IFRD1: variants seen among roughly 807,000 people sequenced by gnomAD.
IFRD1 encodes the protein interferon related developmental regulator 1.
In IFRD1, 35 loss-of-function variants were observed where a neutral mutation model predicts 52.9. That is an observed-to-expected ratio of 0.66 (90% CI 0.51 to 0.88). The LOEUF (loss-of-function observed/expected upper bound fraction) is 0.88, where lower values mean the gene tolerates loss of function less well. Ranked by LOEUF, IFRD1 falls within the 40% of genes least tolerant of loss-of-function variation. IFRD1 has a pLI of 0.00. For missense variants in IFRD1, 517 were observed against 550.8 expected (o/e 0.94, Z 0.61); for synonymous variants, 184 against 188.4 (o/e 0.98, Z 0.19).
chr7:112,464,951 G>C (rs1019569203), intron 8 of IFRD1, among the ~76,000 whole-genome samples: 1 of 151,896 alleles, frequency 6.6e-6, no homozygotes, highest in Non-Finnish European at 1.5e-5. Context: ...TTGTTTTTTT[G>C]CCCTTGTTTG....
intron 5 of IFRD1, chr7:112,461,234 TGCTTATTTCTTGGAA>T (rs1295637067): frequency 1.3e-5 from 2 of 152,210 alleles, no homozygotes; most frequent in Non-Finnish European, 2.9e-5. Flanking sequence ...TGCTCCTGTG[TGCTTATTTCTTGGAA>T]GCTGATTTCT....
chr7:112,451,378 C>T (rs1795160915), intron 1 of IFRD1, among the ~76,000 whole-genome samples: 1 of 152,186 alleles, frequency 6.6e-6, no homozygotes, highest in African/African-American at 2.4e-5. Flanking sequence ...TTTCTCCCCC[C>T]TAGGCTGTGC....
At position 112,455,807 on chromosome 7, in the gene IFRD1, T is replaced by G. The variant is rs535656420; in HGVS notation, c.139T>G (p.Ser47Ala). Residue 47 changes from serine to alanine, a missense_variant, in exon 2 of 12, where the codon TCA (serine) becomes GCA (alanine). Coordinates refer to ENST00000403825, the MANE Select transcript of IFRD1 (RefSeq NM_001550.4). Reference sequence around the variant, plus strand: ...TCAGCCTTTTAGTGATGAAGATGCATCAATTGAAACAATGAGCCATTGCAG... The same window carrying G: ...TCAGCCTTTTAGTGATGAAGATGCAGCAATTGAAACAATGAGCCATTGCAG... Reference protein sequence around the residue: ...NVQPFSDEDASIETMSHCSGY... With the variant: ...NVQPFSDEDAAIETMSHCSGY... The G allele has an allele frequency of 3.7e-6, 6 of 1,613,346 alleles. No homozygotes were observed. The highest frequency in any genetic ancestry group is 5.1e-6 in the Non-Finnish European group (6 of 1,179,436).
At chr7:112,445,068 T>C (rs914605781) in intron 1 of IFRD1, among the ~76,000 whole-genome samples, 2 of 146,338 alleles carry the variant, frequency 1.4e-5, no homozygotes, top group African/African-American at 2.6e-5. Flanking sequence ...CTTTCTTTTT[T>C]TTTTTTTTTT....
chr7:112,435,687 C>T (rs1794668542), intron 1 of IFRD1: 1 of 108,602 alleles, frequency 9.2e-6, no homozygotes, highest in African/African-American at 2.9e-5. Context: ...CATACTCTGA[C>T]TGCAACCCCA....
At chr7:112,455,055 G>C (rs1430784329) in intron 1 of IFRD1, among the ~76,000 whole-genome samples, 2 of 151,190 alleles carry the variant, frequency 1.3e-5, no homozygotes, top group African/African-American at 4.9e-5. Context: ...GTAGAGACGG[G>C]GTTTCACCAT....
At chr7:112,438,025 A>C (rs1283712984) in intron 1 of IFRD1, among the ~76,000 whole-genome samples, 3 of 152,162 alleles carry the variant, frequency 2.0e-5, no homozygotes, top group Non-Finnish European at 4.4e-5. Flanking sequence ...GCGTAGGGGT[A>C]GAGTGGATAT....
chr7:112,453,444 C>T (rs905644599), intron 1 of IFRD1, among the ~76,000 whole-genome samples: 7 of 151,994 alleles, frequency 4.6e-5, no homozygotes, highest in African/African-American at 1.7e-4. Context: ...TTTCTTGATA[C>T]ATATATATGT....
At chr7:112,449,842 T>TG (rs1795108391), upstream of IFRD1, among the ~76,000 whole-genome samples, 9 of 45,852 alleles carry the variant, frequency 2.0e-4, no homozygotes, top group Admixed American at 9.6e-4. Flanking sequence ...GGGGGGGGGA[T>TG]GGGGGGCACA....
chr7:112,443,772 G>T (rs1047874194), intron 1 of IFRD1, among the ~76,000 whole-genome samples: 2 of 150,908 alleles, frequency 1.3e-5, no homozygotes, highest in Non-Finnish European at 2.9e-5. Context: ...TTTGGCAGGA[G>T]AATTGCTTGA....
chr7:112,461,863 TA>T lies in IFRD1; in HGVS notation c.568-2del. 6.7e-7 allele frequency: 1 copy of T among 1,502,412 alleles called. No homozygotes were observed. Among genetic ancestry groups the T allele is most frequent in the South Asian group, 1.2e-5 (1 of 86,476 alleles). The allele number at this position is 1,502,412 out of a possible 1,614,324, so 93.1% of individuals were successfully genotyped here. ...GTCTATATATATATATTTTTTTTTT[TA>T]GTGTGCAACTTGCTTTGGTGTTTGC... On this transcript the variant is annotated splice_acceptor_variant, in intron 5 of 11. Coordinates refer to ENST00000403825, the MANE Select transcript of IFRD1 (RefSeq NM_001550.4). LOFTEE classifies it high-confidence loss of function.
chr7:112,452,125 C>A, intron 1 of IFRD1: 1 of 980,364 alleles, frequency 1.0e-6, no homozygotes, highest in Non-Finnish European at 1.2e-6. Context: ...TTTATTGTGG[C>A]CTCTGGTTGC....
Position 112,461,984 on chromosome 7 carries a change from A to G in IFRD1, c.619-17A>G, listed in dbSNP as rs1304996020. 1.1e-5 allele frequency: 18 copies of G among 1,606,030 alleles called. No homozygotes were observed. The highest frequency in any genetic ancestry group is 1.5e-5 in the Non-Finnish European group (18 of 1,173,002). ...TAATTTAAGATGGTTATCTTACTTC[A>G]TATTCTTATGCATTAGGAACTATAC... On this transcript the variant is annotated splice_polypyrimidine_tract_variant and intron_variant, in intron 6 of 11. Coordinates refer to ENST00000403825, the MANE Select transcript of IFRD1 (RefSeq NM_001550.4).
intron 1 of IFRD1, among the ~76,000 whole-genome samples, chr7:112,432,629 A>T (rs1017791075): frequency 1.3e-5 from 2 of 152,214 alleles, no homozygotes; most frequent in Non-Finnish European, 2.9e-5. Flanking sequence ...GAGATTAAAT[A>T]ACTTACCCAA....
At chr7:112,427,033 C>T (rs924959295) in intron 1 of IFRD1, among the ~76,000 whole-genome samples, 2 of 152,162 alleles carry the variant, frequency 1.3e-5, no homozygotes, top group African/African-American at 4.8e-5. Context: ...GGGCACATGT[C>T]GTCAGAACCT....
rs1260385455 is a variant in IFRD1, at chr7:112,450,650, C to T, written c.-39C>T. On this transcript the variant is annotated 5_prime_UTR_variant, in exon 1 of 12. Coordinates refer to ENST00000403825, the MANE Select transcript of IFRD1 (RefSeq NM_001550.4). ...AAGTGCAGCTCCATCGGCTGATCCT[C>T]GCTAAGCTCCGACTCTGGGCGGCAC... 2.0e-6 allele frequency: 3 copies of T among 1,536,148 alleles called. No homozygotes were observed. Among genetic ancestry groups the T allele is most frequent in the East Asian group, 2.2e-5 (1 of 44,498 alleles).
intron 1 of IFRD1, among the ~76,000 whole-genome samples, chr7:112,440,753 G>C (rs1210927360): frequency 6.6e-6 from 1 of 152,216 alleles, no homozygotes; most frequent in Non-Finnish European, 1.5e-5. Flanking sequence ...CAAAAAAACA[G>C]AGGAGTGCTA....
At chr7:112,470,829 G>T (rs1008765353) in intron 9 of IFRD1, among the ~76,000 whole-genome samples, 6 of 152,096 alleles carry the variant, frequency 3.9e-5, no homozygotes, top group African/African-American at 1.4e-4. Flanking sequence ...TATTGTTTAG[G>T]GAATAGTGGA....
At chr7:112,431,523 TCA>T (rs988253126) in intron 1 of IFRD1, among the ~76,000 whole-genome samples, 4 of 152,088 alleles carry the variant, frequency 2.6e-5, no homozygotes, top group African/African-American at 9.7e-5. Flanking sequence ...AACTTTAGAC[TCA>T]CAGCCGCAGT....
Sources: allele counts gnomAD v4.1 joint callset (sites outside exome capture counted in the v4.1 genomes callset), GRCh38; gene constraint gnomAD v4.1.1; transcripts MANE v1.5; gene names NCBI Gene and HGNC (gene_info 2026-07-23, HGNC 2026-07-21).